Variants in ZNF773 observed in about 807,000 individuals in gnomAD.
ZNF773 encodes zinc finger protein 419B.
ZNF773 carries 11 observed loss-of-function variants against 12.8 expected under a neutral mutation model. That is an observed-to-expected ratio of 0.86 (90% CI 0.54 to 1.42). The LOEUF (loss-of-function observed/expected upper bound fraction) is 1.42. Ranked by LOEUF, ZNF773 falls within the 40% of genes most tolerant of loss-of-function variation. The probability of loss-of-function intolerance (pLI) is 0.00; values close to 1 mark genes in which losing one functional copy is unlikely to be tolerated. For synonymous variants in ZNF773, 175 were observed against 178.4 expected (o/e 0.98, Z 0.15); for missense variants, 518 against 527.2 (o/e 0.98, Z 0.17).
chr19:57,513,689 A>G (rs1041834872), downstream of ZNF773: 3 of 152,242 alleles, frequency 2.0e-5, no homozygotes, highest in African/African-American at 7.2e-5. Context: ...AGCTAGTAAA[A>G]GAGCGATTGG....
chr19:57,507,971 TA>T lies in ZNF773; in HGVS notation c.*567del, dbSNP rs1316682346. 24,460 of 111,752 alleles carry T rather than the reference TA, an allele frequency of 0.22. 2,066 individuals are homozygous for T. Among genetic ancestry groups the T allele is most frequent in the African/African-American group, 0.26 (6,930 of 27,000 alleles). The allele number at this position is 111,752 out of a possible 1,614,324, so 6.9% of individuals were successfully genotyped here. On this transcript the variant is annotated 3_prime_UTR_variant, in exon 4 of 4. Transcript: ENST00000282292. ...CTGGGTGACAGAGTGAGACTCTGTC[TA>T]AAAAAAAAAAAAAAAAAAATTAGCC...
At chr19:57,515,504 C>T (rs1010876509), downstream of ZNF773, 1 of 152,238 alleles carries the variant, frequency 6.6e-6, no homozygotes, top group Non-Finnish European at 1.5e-5. Context: ...GGATGTTACA[C>T]ATATAGCAGC....
At position 57,508,190 on chromosome 19, in the gene ZNF773, T is replaced by C; in HGVS notation, c.*766T>C. ...AAACCCAGAAACTCTGAGGGTGATCTTTATGAGGGAGCTGGCAATTGAACA... is the reference window on the plus strand; with the variant it reads ...AAACCCAGAAACTCTGAGGGTGATCCTTATGAGGGAGCTGGCAATTGAACA... On this transcript the variant is annotated 3_prime_UTR_variant, in exon 4 of 4. Coordinates refer to ENST00000282292, the MANE Select transcript of ZNF773 (RefSeq NM_198542.3). 1 of 1,046,598 alleles carries C rather than the reference T, an allele frequency of 9.6e-7. No individual in the cohort carries two copies. Among genetic ancestry groups the C allele is most frequent in the Non-Finnish European group, 1.1e-6 (1 of 870,126 alleles). 64.8% of individuals were successfully genotyped at this position (1,046,598 alleles called of 1,614,324 possible). A position where few individuals can be genotyped will look rare whatever the true frequency, so the allele number is the denominator to read the frequency against.
downstream of ZNF773, among the ~76,000 whole-genome samples, chr19:57,509,128 C>T (rs2123276087): frequency 6.6e-6 from 1 of 152,286 alleles, no homozygotes; most frequent in Non-Finnish European, 1.5e-5. Context: ...AGTATCTTTC[C>T]TAGAGGAGAT....
chr19:57,504,725 C>T lies in ZNF773; in HGVS notation c.102C>T (p.Asp34=), dbSNP rs770582143. ...FSQEEWRLLD[D]AQRLLYRNVM... Reference sequence around the variant, plus strand: ...AGGAGGAATGGAGATTGCTTGATGACGCTCAGAGGCTCCTCTACCGCAATG... The same window carrying T: ...AGGAGGAATGGAGATTGCTTGATGATGCTCAGAGGCTCCTCTACCGCAATG... The change falls in exon 2 of 4, where the codon GAC becomes GAT. Residue 34 remains aspartate, a synonymous_variant. Coordinates refer to ENST00000282292, the MANE Select transcript of ZNF773 (RefSeq NM_198542.3). 1.6e-5 allele frequency: 26 copies of T among 1,613,910 alleles called. No individual in the cohort carries two copies. Among genetic ancestry groups the T allele is most frequent in the Admixed American group, 6.7e-5 (4 of 59,984 alleles).
At chr19:57,506,311 T>C (rs747585401) in intron 3 of ZNF773, 47 bp from the exon 4 acceptor site, 3 of 1,563,474 alleles carry the variant, frequency 1.9e-6, no homozygotes, top group African/African-American at 2.7e-5. Flanking sequence ...TGCTGCCTTC[T>C]CACACCAAAG....
intron 3 of ZNF773, among the ~76,000 whole-genome samples, chr19:57,505,824 C>T (rs903049483): frequency 1.3e-5 from 2 of 151,374 alleles, no homozygotes; most frequent in African/African-American, 2.4e-5. Flanking sequence ...CATTCTCCTG[C>T]CTCAGCCTCC....
chr19:57,503,847 A>G (rs1360643951), intron 1 of ZNF773, among the ~76,000 whole-genome samples: 1 of 152,020 alleles, frequency 6.6e-6, no homozygotes, highest in East Asian at 1.9e-4. Context: ...GGGTAGAGAC[A>G]GGGTTTCTCC....
At chr19:57,511,370 A>G (rs1051664437), downstream of ZNF773, among the ~76,000 whole-genome samples, 2 of 152,196 alleles carry the variant, frequency 1.3e-5, no homozygotes, top group Non-Finnish European at 2.9e-5. Flanking sequence ...ATAAATAAGA[A>G]TAAATTTGAA....
downstream of ZNF773, among the ~76,000 whole-genome samples, chr19:57,512,685 C>A (rs900226045): frequency 2.0e-5 from 3 of 152,174 alleles, no homozygotes; most frequent in African/African-American, 7.2e-5. Context: ...GAGCAAACAA[C>A]AAACTAGTCT....
In ZNF773 at chr19:57,508,150, AAAAAAAAAC is replaced by A. The variant is rs1378629535; in HGVS notation, c.*736_*744del. 1.2e-4 allele frequency: 57 copies of A among 470,206 alleles called. No homozygotes were observed. The highest frequency in any genetic ancestry group is 1.6e-4 in the African/African-American group (4 of 25,652). The allele number at this position is 470,206 out of a possible 1,614,324, so 29.1% of individuals were successfully genotyped here. A position where few individuals can be genotyped will look rare whatever the true frequency, so the allele number is the denominator to read the frequency against. On this transcript the variant is annotated 3_prime_UTR_variant, in exon 4 of 4. Transcript: ENST00000282292. ...AGTGAGACTTCGTCTCAAAAAAAAA[AAAAAAAAAC>A]AAAAAAAACCCAGAAACTCTGAGGG...
chr19:57,513,061 G>T (rs370028083), downstream of ZNF773: 1 of 1,549,054 alleles, frequency 6.5e-7, no homozygotes, highest in Non-Finnish European at 8.7e-7. Context: ...GAACAGGGAC[G>T]TGAGTGAAGA....
At chr19:57,511,353 C>A (rs1483179869), downstream of ZNF773, among the ~76,000 whole-genome samples, 1 of 152,018 alleles carries the variant, frequency 6.6e-6, no homozygotes, top group Non-Finnish European at 1.5e-5. Flanking sequence ...GCCCGGCCAA[C>A]AATTTTATAA....
At position 57,505,345 on chromosome 19, in the gene ZNF773, A is replaced by G; in HGVS notation, c.207A>G (p.Ser69=). ...SKTHEITQLE[S]WEEPFMPAWE... Reference sequence around the variant, plus strand: ...CCCATGAAATAACCCAGCTGGAGTCATGGGAGGAGCCCTTCATGCCTGCTT... The same window carrying G: ...CCCATGAAATAACCCAGCTGGAGTCGTGGGAGGAGCCCTTCATGCCTGCTT... Residue 69 remains serine, a synonymous_variant, in exon 3 of 4, where the codon TCA becomes TCG. Transcript: ENST00000282292. 3 of 1,614,076 alleles carry G rather than the reference A, an allele frequency of 1.9e-6. No homozygotes were observed. The highest frequency in any genetic ancestry group is 2.5e-6 in the Non-Finnish European group (3 of 1,180,002).
rs749741419 is a variant in ZNF773, at chr19:57,506,607, G to A, written c.512G>A (p.Gly171Glu). The part of the protein sequence containing the change: ...GVLKHQVTHT[G>E]EKSHRSSKSR... ...CTCAAGCACCAGGTGACTCACACGG[G>A]AGAGAAGTCACATAGGAGCTCCAAA... Residue 171 changes from glycine (G) to glutamate (E), a missense_variant, in exon 4 of 4, where the codon GGA becomes GAA. Gly to Glu is a moderately conservative substitution (Grantham distance 98). Transcript: ENST00000282292. The A allele has an allele frequency of 3.1e-6, 5 of 1,614,188 alleles. No homozygotes were observed. In the South Asian group the frequency reaches 4.4e-5, roughly 14 times the overall value.
downstream of ZNF773, chr19:57,512,957 C>T (rs2089807049): frequency 2.0e-6 from 3 of 1,476,896 alleles, no homozygotes; most frequent in Admixed American, 2.7e-5. Flanking sequence ...GCAAGGAGCC[C>T]TCTGACCCCT....
chr19:57,505,609 C>A (rs977337436), intron 3 of ZNF773, among the ~76,000 whole-genome samples: 2 of 152,090 alleles, frequency 1.3e-5, no homozygotes, highest in African/African-American at 4.8e-5. Context: ...TGTTTCACCC[C>A]ATCCTCAGCA....
intron 2 of ZNF773, 177 bp from the exon 3 acceptor site, chr19:57,505,125 C>T (rs1469326167): frequency 1.3e-6 from 1 of 779,218 alleles, no homozygotes; most frequent in African/African-American, 1.7e-5. Flanking sequence ...GCCAACATAC[C>T]TGGGTGTCGG....
downstream of ZNF773, chr19:57,512,863 A>T: frequency 1.5e-6 from 1 of 671,312 alleles, no homozygotes; most frequent in Non-Finnish European, 2.2e-6. Flanking sequence ...CAAGCAGCTG[A>T]CCAACTGTTA....
Sources: allele counts gnomAD v4.1 joint callset (sites outside exome capture counted in the v4.1 genomes callset), GRCh38; gene constraint gnomAD v4.1.1; transcripts MANE v1.5; gene names NCBI Gene and HGNC (gene_info 2026-07-23, HGNC 2026-07-21).